AVPI1: variants seen among roughly 807,000 people sequenced by gnomAD.
AVPI1 encodes arginine vasopressin-induced protein 1.
A neutral mutation model predicts 11.9 loss-of-function variants in AVPI1; 9 were observed. The ratio of observed to expected loss-of-function variants is 0.76; its 90% CI spans 0.46 to 1.32. The LOEUF (loss-of-function observed/expected upper bound fraction) is 1.32, where lower values mean the gene tolerates loss of function less well. Among genes scored for constraint, AVPI1 ranks in the 40% most tolerant of loss-of-function variants. The probability of loss-of-function intolerance (pLI) is 0.00; values close to 1 mark genes in which losing one functional copy is unlikely to be tolerated. For synonymous variants in AVPI1, 68 were observed against 78.1 expected (o/e 0.87, Z 0.68); for missense variants, 207 against 195.8 (o/e 1.06, Z -0.34).
intron 1 of AVPI1, among the ~76,000 whole-genome samples, chr10:97,684,409 G>C (rs760537292): frequency 6.6e-6 from 1 of 151,820 alleles, no homozygotes; most frequent in African/African-American, 2.4e-5. Flanking sequence ...AACCCTCAGG[G>C]AGAGTCTGAG....
intron 1 of AVPI1, among the ~76,000 whole-genome samples, chr10:97,681,757 A>G (rs2041705325): frequency 6.7e-6 from 1 of 150,230 alleles, no homozygotes; most frequent in African/African-American, 2.4e-5. Context: ...GGGCGCCTGT[A>G]GTCCCAGCTA....
chr10:97,681,869 A>G (rs1241432351), intron 1 of AVPI1, among the ~76,000 whole-genome samples: 1 of 145,840 alleles, frequency 6.9e-6, no homozygotes, highest in Admixed American at 6.9e-5. Context: ...TGGGCGACAG[A>G]GCGAGACTCC....
At chr10:97,685,409 C>G (rs1042495873) in intron 1 of AVPI1, among the ~76,000 whole-genome samples, 3 of 152,212 alleles carry the variant, frequency 2.0e-5, no homozygotes, top group African/African-American at 7.2e-5. Context: ...TCAGTTCAGA[C>G]AGCTATTCTA....
At chr10:97,678,079 G>A in intron 2 of AVPI1, 54 bp from the exon 3 acceptor site, 1 of 1,556,856 alleles carries the variant, frequency 6.4e-7, no homozygotes, top group Non-Finnish European at 8.8e-7. Flanking sequence ...ATGGAATGGG[G>A]ACTTCAAGAG....
At chr10:97,685,001 A>G (rs1042567379) in intron 1 of AVPI1, among the ~76,000 whole-genome samples, 6 of 152,314 alleles carry the variant, frequency 3.9e-5, no homozygotes, top group Non-Finnish European at 7.4e-5. Context: ...TTTCCCTCCA[A>G]TTTCCTGGAG....
chr10:97,679,747 T>A lies in AVPI1; in HGVS notation c.159A>T (p.Glu53Asp). Reference sequence around the variant, plus strand: ...CACATTCCCAGATGATCTGTGCCCGTTCCTCGGCCAGCTGGTCCCCGCTGC... The same window carrying A: ...CACATTCCCAGATGATCTGTGCCCGATCCTCGGCCAGCTGGTCCCCGCTGC... The part of the protein sequence containing the change: ...FQRSGDQLAE[E>D]RAQIIWECAG... The change falls in exon 2 of 3, where the codon GAA becomes GAT. Residue 53 changes from glutamate (E) to aspartate (D), a missense_variant. Coordinates refer to ENST00000370626, the MANE Select transcript of AVPI1 (RefSeq NM_021732.3). 6.2e-7 allele frequency: 1 copy of A among 1,614,114 alleles called. No individual in the cohort carries two copies. Among genetic ancestry groups the A allele is most frequent in the Non-Finnish European group, 8.5e-7 (1 of 1,180,018 alleles).
intron 2 of AVPI1, among the ~76,000 whole-genome samples, chr10:97,678,253 T>G (rs1221713598): frequency 2.0e-5 from 3 of 152,208 alleles, no homozygotes; most frequent in African/African-American, 7.2e-5. Context: ...ACTCAACATT[T>G]CTTCATCCTC....
At chr10:97,686,651 T>G (rs965104083) in intron 1 of AVPI1, 115 bp downstream of exon 1, 1 of 152,198 alleles carries the variant, frequency 6.6e-6, no homozygotes. Flanking sequence ...TCGGAGGCTA[T>G]CTGCTTCTGT....
In AVPI1 at chr10:97,679,738, C is replaced by G. The variant is rs1413569792; in HGVS notation, c.168G>C (p.Gln56His). ...SGDQLAEERA[Q>H]IIWECAGDHR... ...GGTCCCCTGCACATTCCCAGATGATCTGTGCCCGTTCCTCGGCCAGCTGGT... is the reference window on the plus strand; with the variant it reads ...GGTCCCCTGCACATTCCCAGATGATGTGTGCCCGTTCCTCGGCCAGCTGGT... The change falls in exon 2 of 3, where the codon CAG becomes CAC. Residue 56 changes from glutamine to histidine, a missense_variant. By Grantham distance (24) the Gln-to-His change is conservative (BLOSUM62 0). Transcript: ENST00000370626. The G allele has an allele frequency of 6.8e-6, 11 of 1,614,184 alleles. No individual in the cohort carries two copies. The highest frequency in any genetic ancestry group is 9.3e-6 in the Non-Finnish European group (11 of 1,180,044).
intron 1 of AVPI1, among the ~76,000 whole-genome samples, chr10:97,681,285 T>A (rs2041701836): frequency 6.6e-6 from 1 of 152,124 alleles, no homozygotes; most frequent in Non-Finnish European, 1.5e-5. Flanking sequence ...ATAAAAAATT[T>A]AAGAATACAA....
intron 2 of AVPI1, 107 bp from the exon 3 acceptor site, chr10:97,678,132 A>G: frequency 7.9e-7 from 1 of 1,258,794 alleles, no homozygotes; most frequent in South Asian, 1.4e-5. Flanking sequence ...TTGGAGCAAA[A>G]TGAGAGCGGG....
At chr10:97,679,986 C>CTA (rs1461816323) in intron 1 of AVPI1, 71 bp from the exon 2 acceptor site, 5 of 1,358,358 alleles carry the variant, frequency 3.7e-6, no homozygotes, top group Non-Finnish European at 4.9e-6. Flanking sequence ...CCTGGCTAAT[C>CTA]CTAGGGCTTC....
In AVPI1 at chr10:97,681,884, CAAAAAAAAAGAAAAAAA is replaced by C. The variant is rs1428046622; in HGVS notation, c.-10-1986_-10-1970del. ...TGGGCGACAGAGCGAGACTCCGTCT[CAAAAAAAAAGAAAAAAA>C]AAAAAAAAAGAAAAAAAGAATACAA... On this transcript the variant is annotated intron_variant, in intron 1 of 2. Coordinates refer to ENST00000370626, the MANE Select transcript of AVPI1 (RefSeq NM_021732.3). 6.7e-4 allele frequency among the ~76,000 whole-genome samples: 24 copies of C among 35,932 alleles called. No individual in the cohort carries two copies. In the East Asian group the frequency reaches 0.015, roughly 22 times the overall value. The allele number at this position is 35,932 out of a possible 152,430, so 23.6% of individuals were successfully genotyped here.
chr10:97,684,277 T>C (rs761589736), intron 1 of AVPI1, among the ~76,000 whole-genome samples: 7 of 152,128 alleles, frequency 4.6e-5, no homozygotes, highest in Non-Finnish European at 7.3e-5. Flanking sequence ...ATAAGGATCA[T>C]GTAGCAGCAG....
chr10:97,681,324 C>T lies in AVPI1; in HGVS notation c.-10-1409G>A, dbSNP rs11189325. Among the ~76,000 whole-genome samples the T allele has an allele frequency of 8.2e-3, 1,242 of 152,308 alleles. 6 individuals carry two copies. Among genetic ancestry groups the T allele is most frequent in the Non-Finnish European group, 0.012 (841 of 68,018 alleles). On this transcript the variant is annotated intron_variant, in intron 1 of 2. Coordinates refer to ENST00000370626, the MANE Select transcript of AVPI1 (RefSeq NM_021732.3). Reference sequence around the variant, plus strand: ...TATGGCTGGGCGTGGTGGCTCACACCTGTAATCCCAGCACTTTGGGAGGTG... The same window carrying T: ...TATGGCTGGGCGTGGTGGCTCACACTTGTAATCCCAGCACTTTGGGAGGTG...
intron 1 of AVPI1, among the ~76,000 whole-genome samples, chr10:97,684,494 ACT>A (rs2041719502): frequency 1.4e-5 from 1 of 70,960 alleles, no homozygotes; most frequent in African/African-American, 5.2e-5. Flanking sequence ...CACTCTTTTT[ACT>A]CTTTTTTTTT....
chr10:97,684,229 G>A (rs2041718144), intron 1 of AVPI1, among the ~76,000 whole-genome samples: 1 of 152,142 alleles, frequency 6.6e-6, no homozygotes, highest in Non-Finnish European at 1.5e-5. Context: ...AGGAGAAAGG[G>A]TGATATCTGG....
intron 2 of AVPI1, among the ~76,000 whole-genome samples, chr10:97,678,937 G>T (rs1589942567): frequency 4.1e-5 from 2 of 49,212 alleles, no homozygotes; most frequent in African/African-American, 1.8e-4. Context: ...GTGTGTGTGT[G>T]TGTGTGTGTG....
intron 2 of AVPI1, 94 bp downstream of exon 2, chr10:97,679,525 T>G: frequency 2.7e-5 from 39 of 1,424,534 alleles, no homozygotes; most frequent in Non-Finnish European, 3.6e-5. Flanking sequence ...CACTTTACAG[T>G]GAGGCCAAGT....
Sources: allele counts gnomAD v4.1 joint callset (sites outside exome capture counted in the v4.1 genomes callset), GRCh38; gene constraint gnomAD v4.1.1; transcripts MANE v1.5; gene names NCBI Gene and HGNC (gene_info 2026-07-23, HGNC 2026-07-21).